The following CLPB variants were observed in gnomAD, a reference collection of about 807,000 sequenced individuals.
The protein encoded by CLPB is ClpB family mitochondrial disaggregase.
In CLPB, 40 loss-of-function variants were observed where a neutral mutation model predicts 78.4. The ratio of observed to expected loss-of-function variants is 0.51; its 90% CI spans 0.40 to 0.66. CLPB has a LOEUF of 0.66. Among genes scored for constraint, CLPB ranks in the 30% least tolerant of loss-of-function variants. The pLI, the probability that CLPB is intolerant of heterozygous loss-of-function variation, is 0.00. For missense variants in CLPB, 780 were observed against 886.9 expected (o/e 0.88, Z 1.53); for synonymous variants, 333 against 348.0 (o/e 0.96, Z 0.48).
intron 5 of CLPB, among the ~76,000 whole-genome samples, chr11:72,341,264 C>T (rs1722401368): frequency 6.6e-6 from 1 of 152,092 alleles, no homozygotes; most frequent in Non-Finnish European, 1.5e-5. Context: ...AGCCGGCTAC[C>T]CTACCTCCTT....
intron 8 of CLPB, 93 bp from the exon 9 acceptor site, chr11:72,307,347 A>C (rs1949764290): frequency 9.6e-7 from 1 of 1,043,814 alleles, no homozygotes; most frequent in South Asian, 1.3e-5. Flanking sequence ...ACTAGAAAGA[A>C]TATATTCTAT....
rs116929215 is a variant in CLPB, at chr11:72,325,372, A to G, written c.873+4335T>C. Among the ~76,000 whole-genome samples the G allele has an allele frequency of 1.6e-3, 237 of 152,278 alleles. 7 individuals carry two copies. In the East Asian group the frequency reaches 0.041, roughly 26 times the overall value. ...CCAACTCTGCGAACCCTCCTAAGAC[A>G]AATCAGTCTGCAGGTATCAGAGCTA... On this transcript the variant is annotated intron_variant, in intron 6 of 15. Coordinates refer to ENST00000538039, the MANE Select transcript of CLPB (RefSeq NM_001258392.3).
At chr11:72,322,477 C>T (rs1057316057) in intron 6 of CLPB, among the ~76,000 whole-genome samples, 1 of 152,150 alleles carries the variant, frequency 6.6e-6, no homozygotes, top group African/African-American at 2.4e-5. Context: ...AGCCACTGCG[C>T]CCGGCAATGA....
chr11:72,402,111 T>A (rs1169873250), intron 3 of CLPB, among the ~76,000 whole-genome samples: 5 of 151,142 alleles, frequency 3.3e-5, no homozygotes, highest in Middle Eastern at 3.4e-3. Flanking sequence ...AAAAAAAAAA[T>A]TAGCCCAGTG....
chr11:72,320,072 C>T (rs747687172), intron 6 of CLPB, among the ~76,000 whole-genome samples: 2 of 152,212 alleles, frequency 1.3e-5, no homozygotes, highest in South Asian at 2.1e-4. Flanking sequence ...AACACTCACC[C>T]GGCTCTAGAG....
chr11:72,413,772 T>C (rs910093813), intron 2 of CLPB, among the ~76,000 whole-genome samples: 4 of 152,180 alleles, frequency 2.6e-5, no homozygotes, highest in Non-Finnish European at 5.9e-5. Context: ...AAGGCTAGTT[T>C]GTTTGTAGAA....
At chr11:72,422,284 A>C (rs901802500) in intron 2 of CLPB, among the ~76,000 whole-genome samples, 4 of 151,240 alleles carry the variant, frequency 2.6e-5, no homozygotes, top group Non-Finnish European at 5.9e-5. Flanking sequence ...AAAAAAAAAA[A>C]AAAAAAACTA....
chr11:72,351,809 G>A (rs963491105), intron 5 of CLPB, among the ~76,000 whole-genome samples: 7 of 151,968 alleles, frequency 4.6e-5, no homozygotes, highest in Non-Finnish European at 8.8e-5. Context: ...TGACCTCAGG[G>A]ATCCACCCAC....
chr11:72,287,113 A>G lies in CLPB; in HGVS notation c.*6254T>C, dbSNP rs1191469206. 3.3e-5 allele frequency: 5 copies of G among 152,096 alleles called. No homozygotes were observed. Among genetic ancestry groups the G allele is most frequent in the African/African-American group, 1.2e-4 (5 of 41,404 alleles). The allele number at this position is 152,096 out of a possible 1,614,324, so 9.4% of individuals were successfully genotyped here. ...GATTTTATTTGGGATTTTTGCATCT[A>G]TGGCCATAGGTGAGATTAGGCTATA... On this transcript the variant is annotated 3_prime_UTR_variant, in exon 16 of 16. Transcript: ENST00000538039.
At chr11:72,334,782 C>A (rs1473507207) in intron 5 of CLPB, among the ~76,000 whole-genome samples, 2 of 152,204 alleles carry the variant, frequency 1.3e-5, no homozygotes, top group Non-Finnish European at 2.9e-5. Flanking sequence ...TCCGTCACCT[C>A]CCACTGGCTG....
intron 6 of CLPB, among the ~76,000 whole-genome samples, chr11:72,317,943 G>A (rs1348667232): frequency 1.3e-5 from 2 of 152,226 alleles, no homozygotes; most frequent in South Asian, 2.1e-4. Context: ...GAGGAGACCC[G>A]GGCTTGCCCT....
intron 4 of CLPB, chr11:72,373,052 C>T (rs779400841): frequency 9.5e-6 from 15 of 1,576,998 alleles, no homozygotes. Context: ...CTGGAGCAGG[C>T]CAGGTCCTGC....
chr11:72,354,666 C>A (rs58571741), intron 5 of CLPB: 17,677 of 268,490 alleles, frequency 0.066, 839 homozygotes, highest in African/African-American at 0.15. Flanking sequence ...GATAAGCCAT[C>A]AACACAGGCA....
At chr11:72,334,893 T>C (rs1047324282) in intron 5 of CLPB, among the ~76,000 whole-genome samples, 2 of 152,356 alleles carry the variant, frequency 1.3e-5, no homozygotes, top group Middle Eastern at 3.4e-3. Context: ...CTTATAATAT[T>C]TGATAAATAG....
intron 12 of CLPB, 63 bp from the exon 13 acceptor site, chr11:72,294,756 G>C (rs367845721): frequency 4.9e-5 from 66 of 1,358,826 alleles, no homozygotes; most frequent in Non-Finnish European, 7.0e-5. Flanking sequence ...GGCTGTGCCT[G>C]CCCCTTGGCC....
At chr11:72,405,007 A>C (rs1399296181) in intron 2 of CLPB, among the ~76,000 whole-genome samples, 2 of 152,174 alleles carry the variant, frequency 1.3e-5, no homozygotes, top group African/African-American at 4.8e-5. Context: ...TATGGTAGAG[A>C]GCGCATGGTT....
chr11:72,316,835 G>A (rs1451991614), intron 7 of CLPB, among the ~76,000 whole-genome samples: 1 of 152,160 alleles, frequency 6.6e-6, no homozygotes, highest in Non-Finnish European at 1.5e-5. Context: ...TCTATGCATA[G>A]GAAAGCAGCC....
intron 9 of CLPB, among the ~76,000 whole-genome samples, chr11:72,304,612 G>A (rs1373437922): frequency 6.6e-6 from 1 of 152,096 alleles, no homozygotes; most frequent in African/African-American, 2.4e-5. Context: ...AGGCTAATGA[G>A]AGAAAAAAAT....
chr11:72,314,491 G>A (rs376594087), intron 7 of CLPB, among the ~76,000 whole-genome samples: 1 of 152,098 alleles, frequency 6.6e-6, no homozygotes, highest in Non-Finnish European at 1.5e-5. Flanking sequence ...TTACCTCAGG[G>A]TACATCCTAG....
Sources: gnomAD v4.1 joint callset for allele counts (sites outside exome capture counted in the v4.1 genomes callset) on GRCh38, gnomAD v4.1.1 for gene constraint, MANE v1.5 for transcripts, NCBI Gene and HGNC (gene_info 2026-07-23, HGNC 2026-07-21) for gene names.